GLIS1: variants seen among roughly 807,000 people sequenced by gnomAD.
The protein encoded by GLIS1 is zinc finger protein GLIS1.
A neutral mutation model predicts 63.8 loss-of-function variants in GLIS1; 24 were observed. The observed-to-expected ratio is 0.38, with a 90% CI of 0.27 to 0.53. The LOEUF (loss-of-function observed/expected upper bound fraction) is 0.53, where lower values mean the gene tolerates loss of function less well. Ranked by LOEUF, GLIS1 falls within the 20% of genes least tolerant of loss-of-function variation. The probability of loss-of-function intolerance (pLI) is 0.85; values close to 1 mark genes in which losing one functional copy is unlikely to be tolerated. For missense variants in GLIS1, 1,036 were observed against 1,074.1 expected, an observed-to-expected ratio of 0.96 and a Z score of 0.50; for synonymous variants, 450 against 482.5, an observed-to-expected ratio of 0.93 and a Z score of 0.88.
chr1:53,694,123 G>T (rs112232904), intron 2 of GLIS1, among the ~76,000 whole-genome samples: 2 of 152,308 alleles, frequency 1.3e-5, no homozygotes, highest in African/African-American at 4.8e-5. Flanking sequence ...GGGACTGCAG[G>T]GACCCAAAGA....
At position 53,578,154 on chromosome 1, in the gene GLIS1, C is replaced by T. The variant is rs544725881; in HGVS notation, c.1320+15954G>A. 2.0e-5 allele frequency among the ~76,000 whole-genome samples: 3 copies of T among 152,312 alleles called. No homozygotes were observed. In the East Asian group the frequency reaches 5.8e-4, roughly 29 times the overall value. ...GACTGCATCAGTCTCAAGTAATAGA[C>T]TCAGACTTGAAGTCTGCAAAGACAG... On this transcript the variant is annotated intron_variant, in intron 4 of 10. Transcript: ENST00000628545.
chr1:53,612,936 A>G (rs1303002866), intron 2 of GLIS1, among the ~76,000 whole-genome samples: 3 of 151,096 alleles, frequency 2.0e-5, no homozygotes, highest in Non-Finnish European at 2.9e-5. Flanking sequence ...CTCCTGCCTC[A>G]GCCTCCCGAG....
Position 53,594,705 on chromosome 1 carries a change from G to A in GLIS1, c.723C>T (p.Cys241=), listed in dbSNP as rs76197693. The A allele has an allele frequency of 0.019, 29,453 of 1,558,862 alleles. 325 individuals are homozygous for A. The highest frequency in any genetic ancestry group is 0.023 in the Non-Finnish European group (26,350 of 1,151,208). The part of the protein sequence containing the change: ...HLPEGSLKRC[C]VLGLPPTSPA... ...GGGAGGTGGGGGGTAGGCCCAAGAC[G>A]CAGCACCGCTTCAGGCTGCCCTCGG... Residue 241 remains cysteine (C), a synonymous_variant, in exon 4 of 11, where the codon TGC becomes TGT. Transcript: ENST00000628545.
At chr1:53,508,571 T>A (rs1644261908) in intron 10 of GLIS1, among the ~76,000 whole-genome samples, 1 of 152,116 alleles carries the variant, frequency 6.6e-6, no homozygotes, top group Non-Finnish European at 1.5e-5. Flanking sequence ...CGGAGCCTGG[T>A]TCCACCTGGG....
At chr1:53,733,319 A>G (rs1001761396) in intron 2 of GLIS1, among the ~76,000 whole-genome samples, 2 of 152,208 alleles carry the variant, frequency 1.3e-5, no homozygotes, top group Non-Finnish European at 2.9e-5. Context: ...TCAGAAAAAG[A>G]AGGATGAAGA....
chr1:53,569,234 A>G (rs1047359264), intron 4 of GLIS1, among the ~76,000 whole-genome samples: 5 of 152,224 alleles, frequency 3.3e-5, no homozygotes, highest in African/African-American at 1.2e-4. Flanking sequence ...ACATGTCATT[A>G]TACCTTTGTC....
intron 2 of GLIS1, among the ~76,000 whole-genome samples, chr1:53,708,218 G>C (rs2100513776): frequency 6.6e-6 from 1 of 152,182 alleles, no homozygotes; most frequent in African/African-American, 2.4e-5. Context: ...AGGAGGCAGA[G>C]CTTGCAGTGA....
intron 2 of GLIS1, among the ~76,000 whole-genome samples, chr1:53,606,579 ACTCCC>A (rs1645371602): frequency 2.6e-5 from 4 of 151,970 alleles, no homozygotes; most frequent in African/African-American, 7.3e-5. Flanking sequence ...CTGCCTCGTC[ACTCCC>A]TCTTTTCCCT....
intron 5 of GLIS1, among the ~76,000 whole-genome samples, chr1:53,529,210 A>C (rs1644503090): frequency 6.6e-6 from 1 of 152,216 alleles, no homozygotes; most frequent in African/African-American, 2.4e-5. Flanking sequence ...CAAGGGAAGG[A>C]AGGTGGGAAG....
At chr1:53,706,805 G>A (rs957430193) in intron 2 of GLIS1, among the ~76,000 whole-genome samples, 1 of 152,202 alleles carries the variant, frequency 6.6e-6, no homozygotes. Context: ...TGTGGCCTCT[G>A]ACCCGCAGAG....
At chr1:53,524,638 A>G (rs1024393066) in intron 6 of GLIS1, 139 bp downstream of exon 6, 2 of 656,492 alleles carry the variant, frequency 3.0e-6, no homozygotes, top group Non-Finnish European at 5.5e-6. Flanking sequence ...CGGACGGACG[A>G]ACGGACGAAC....
chr1:53,585,281 G>A (rs1052651612), intron 4 of GLIS1, among the ~76,000 whole-genome samples: 1 of 151,828 alleles, frequency 6.6e-6, no homozygotes, highest in South Asian at 2.1e-4. Context: ...CCAGGCACGA[G>A]GTAAGTGCTA....
intron 2 of GLIS1, among the ~76,000 whole-genome samples, chr1:53,681,896 C>T (rs1184760497): frequency 6.6e-6 from 1 of 151,060 alleles, no homozygotes; most frequent in Admixed American, 6.6e-5. Flanking sequence ...GCCAGCAATA[C>T]GTTCCTGCTC....
At chr1:53,556,567 G>GGGGT (rs1553123492) in intron 4 of GLIS1, among the ~76,000 whole-genome samples, 8 of 89,666 alleles carry the variant, frequency 8.9e-5, no homozygotes, top group African/African-American at 1.1e-4. Flanking sequence ...GTACTGCAGG[G>GGGGT]GTGTGTGTAT....
chr1:53,699,032 T>A (rs1225896446), intron 2 of GLIS1, among the ~76,000 whole-genome samples: 1 of 150,184 alleles, frequency 6.7e-6, no homozygotes, highest in African/African-American at 2.4e-5. Flanking sequence ...TGATTGTTTT[T>A]TGTTTTGTTT....
intron 2 of GLIS1, among the ~76,000 whole-genome samples, chr1:53,722,651 G>A (rs1437271728): frequency 1.3e-5 from 2 of 152,080 alleles, no homozygotes; most frequent in African/African-American, 4.8e-5. Flanking sequence ...GACCAGCCTG[G>A]CCAACATGGT....
chr1:53,553,807 G>A (rs1267563256), intron 4 of GLIS1, among the ~76,000 whole-genome samples: 1 of 152,210 alleles, frequency 6.6e-6, no homozygotes, highest in Non-Finnish European at 1.5e-5. Context: ...TAAAGGCCTT[G>A]TGGTGGGAAA....
intron 4 of GLIS1, among the ~76,000 whole-genome samples, chr1:53,580,658 C>T (rs555633570): frequency 6.6e-6 from 1 of 150,648 alleles, no homozygotes; most frequent in African/African-American, 2.4e-5. Flanking sequence ...TCAGTTTCCT[C>T]ATCCATAAAA....
intron 2 of GLIS1, among the ~76,000 whole-genome samples, chr1:53,695,389 GGAGTCACTTCCAGGCTGGGTGAGCT>G (rs1386201291): frequency 6.6e-6 from 1 of 152,036 alleles, no homozygotes; most frequent in Non-Finnish European, 1.5e-5. Context: ...GAGGTCAAGG[GGAGTCACTTCCAGGCTGGGTGAGCT>G]GAAGACTAAC....
Sources: allele counts gnomAD v4.1 joint callset (sites outside exome capture counted in the v4.1 genomes callset), GRCh38; gene constraint gnomAD v4.1.1; transcripts MANE v1.5; gene names NCBI Gene and HGNC (gene_info 2026-07-23, HGNC 2026-07-21).